The following KCND2 variants were observed in gnomAD, a reference collection of about 807,000 sequenced individuals.
KCND2 encodes potassium voltage-gated channel subfamily D member 2.
In KCND2, 16 loss-of-function variants were observed where a neutral mutation model predicts 54.4. The ratio of observed to expected loss-of-function variants is 0.29; its 90% confidence interval spans 0.20 to 0.45. The LOEUF (loss-of-function observed/expected upper bound fraction) is 0.45, where lower values mean the gene tolerates loss of function less well. Among genes scored for constraint, KCND2 ranks in the 20% least tolerant of loss-of-function variants. KCND2 has a pLI of 1.00. For missense variants in KCND2, 486 were observed against 824.2 expected, an observed-to-expected ratio of 0.59 and a Z score of 5.02; for synonymous variants, 317 against 310.7, an observed-to-expected ratio of 1.02 and a Z score of -0.21.
At chr7:120,446,911 C>G (rs577547619) in intron 1 of KCND2, among the ~76,000 whole-genome samples, 1 of 152,192 alleles carries the variant, frequency 6.6e-6, no homozygotes, top group Admixed American at 6.5e-5. Flanking sequence ...TTAGCTGGAC[C>G]GGAGTTTCTA....
rs559836282 is a variant in KCND2, at chr7:120,381,430, A to T, written c.1115+105683A>T. Among the ~76,000 whole-genome samples the T allele has an allele frequency of 4.4e-3, 674 of 152,248 alleles. 6 individuals are homozygous for T. Among genetic ancestry groups the T allele is most frequent in the African/African-American group, 0.015 (632 of 41,570 alleles). Reference sequence around the variant, plus strand: ...TTTTTTGCCCAAGGGAAGCAACTTCAAGTTTTATTGGTAATAATATGATAG... The same window carrying T: ...TTTTTTGCCCAAGGGAAGCAACTTCTAGTTTTATTGGTAATAATATGATAG... On this transcript the variant is annotated intron_variant, in intron 1 of 5. Coordinates refer to ENST00000331113, the MANE Select transcript of KCND2 (RefSeq NM_012281.3).
intron 1 of KCND2, among the ~76,000 whole-genome samples, chr7:120,518,436 C>T (rs1302944320): frequency 6.6e-6 from 1 of 152,082 alleles, no homozygotes; most frequent in Non-Finnish European, 1.5e-5. Flanking sequence ...GTTAAATCAA[C>T]AAGTTCTTGC....
At chr7:120,443,886 G>A (rs748645950) in intron 1 of KCND2, among the ~76,000 whole-genome samples, 35 of 151,998 alleles carry the variant, frequency 2.3e-4, no homozygotes, top group Non-Finnish European at 4.9e-4. Flanking sequence ...ACACTTCTCA[G>A]TCATTGTGAC....
chr7:120,550,907 A>G (rs1240469508), intron 1 of KCND2, among the ~76,000 whole-genome samples: 4 of 152,200 alleles, frequency 2.6e-5, no homozygotes, highest in Non-Finnish European at 5.9e-5. Context: ...TAAATGATCA[A>G]ATTGGAGTGT....
rs1802156797 is a variant in KCND2 at position 120,453,948 on chromosome 7, G to C, written c.1115+178201G>C. ...AAAATATAAAAATTAGCCAGGCATG[G>C]TAGTGGGTGCCTGTAGTCCCAGCTA... On this transcript the variant is annotated intron_variant, in intron 1 of 5. Transcript: ENST00000331113. Among the ~76,000 whole-genome samples the C allele has an allele frequency of 1.3e-5, 2 of 152,184 alleles. 1 individual carries two copies. The highest frequency in any genetic ancestry group is 1.3e-4 in the Admixed American group (2 of 15,276).
intron 1 of KCND2, among the ~76,000 whole-genome samples, chr7:120,639,724 C>T (rs1350293665): frequency 6.6e-6 from 1 of 152,016 alleles, no homozygotes; most frequent in Admixed American, 6.6e-5. Context: ...TTCTTAAAGC[C>T]GAAAAGTTTG....
chr7:120,412,276 C>T (rs963955893), intron 1 of KCND2, among the ~76,000 whole-genome samples: 1 of 152,008 alleles, frequency 6.6e-6, no homozygotes, highest in Admixed American at 6.6e-5. Context: ...ACAGGTTCCT[C>T]TCTTGAAAAT....
At chr7:120,523,301 A>T (rs942341468) in intron 1 of KCND2, among the ~76,000 whole-genome samples, 16 of 152,262 alleles carry the variant, frequency 1.1e-4, no homozygotes, top group African/African-American at 3.4e-4. Flanking sequence ...ATACATGGAA[A>T]CAAAATTCTG....
intron 1 of KCND2, among the ~76,000 whole-genome samples, chr7:120,290,911 A>T (rs113284459): frequency 7.3e-4 from 111 of 152,082 alleles, no homozygotes; most frequent in African/African-American, 2.6e-3. Context: ...ACCTGACATA[A>T]GCAAAATCTC....
At chr7:120,614,251 G>A (rs911089519) in intron 1 of KCND2, among the ~76,000 whole-genome samples, 3 of 152,170 alleles carry the variant, frequency 2.0e-5, no homozygotes, top group African/African-American at 7.2e-5. Context: ...GACCTCAGGT[G>A]AGCCGCCCTC....
At chr7:120,649,410 G>A (rs1281212968) in intron 1 of KCND2, among the ~76,000 whole-genome samples, 2 of 152,066 alleles carry the variant, frequency 1.3e-5, no homozygotes, top group South Asian at 2.1e-4. Context: ...AAGAGTTCAA[G>A]AATGCCAACT....
chr7:120,341,652 T>C (rs1254861651), intron 1 of KCND2, among the ~76,000 whole-genome samples: 3 of 152,108 alleles, frequency 2.0e-5, no homozygotes, highest in South Asian at 2.1e-4. Flanking sequence ...CCTGGACTTA[T>C]TTGGCTGCAA....
chr7:120,275,813 G>A, intron 1 of KCND2, 66 bp downstream of exon 1: 4 of 1,513,868 alleles, frequency 2.6e-6, no homozygotes, highest in Non-Finnish European at 3.6e-6. Context: ...GACCCATCGA[G>A]GTTACATGGT....
intron 1 of KCND2, among the ~76,000 whole-genome samples, chr7:120,441,190 T>A (rs1801940833): frequency 6.6e-6 from 1 of 152,128 alleles, no homozygotes; most frequent in Admixed American, 6.6e-5. Context: ...GAGACCTGCA[T>A]TTGCATCCTG....
chr7:120,631,295 G>A (rs1239025858), intron 1 of KCND2, among the ~76,000 whole-genome samples: 1 of 152,038 alleles, frequency 6.6e-6, no homozygotes, highest in Non-Finnish European at 1.5e-5. Context: ...TGAATATAGT[G>A]TATGAAGTAG....
At chr7:120,732,873 C>T (rs1792824558) in intron 1 of KCND2, 30 bp from the exon 2 acceptor site, 1 of 1,577,294 alleles carries the variant, frequency 6.3e-7, no homozygotes, top group Non-Finnish European at 8.7e-7. Context: ...TGACTTAAAA[C>T]AATATATATA....
At chr7:120,587,579 GA>G (rs984677547) in intron 1 of KCND2, among the ~76,000 whole-genome samples, 1 of 151,262 alleles carries the variant, frequency 6.6e-6, no homozygotes, top group East Asian at 1.9e-4. Flanking sequence ...ATCTTTTGGG[GA>G]AAAAAAATCA....
At chr7:120,381,336 A>G (rs947176466) in intron 1 of KCND2, among the ~76,000 whole-genome samples, 2 of 152,142 alleles carry the variant, frequency 1.3e-5, no homozygotes, top group South Asian at 4.1e-4. Flanking sequence ...ATTGCTAAAG[A>G]AAGAGGTAAC....
chr7:120,574,665 G>A (rs369114862), intron 1 of KCND2, among the ~76,000 whole-genome samples: 25 of 152,072 alleles, frequency 1.6e-4, no homozygotes, highest in African/African-American at 5.5e-4. Flanking sequence ...TTAGACTGAG[G>A]TGCAGCCTGG....
Sources: allele counts gnomAD v4.1 joint callset (sites outside exome capture counted in the v4.1 genomes callset), GRCh38; gene constraint gnomAD v4.1.1; transcripts MANE v1.5; gene names NCBI Gene and HGNC (gene_info 2026-07-23, HGNC 2026-07-21).